Variants in KIAA1217 observed in about 807,000 individuals in gnomAD.
KIAA1217 encodes the protein sickle tail protein homolog.
A neutral mutation model predicts 163.9 loss-of-function variants in KIAA1217; 88 were observed. That is an observed-to-expected ratio of 0.54 (90% confidence interval 0.45 to 0.64). The LOEUF (loss-of-function observed/expected upper bound fraction) is 0.64. Among genes scored for constraint, KIAA1217 ranks in the 30% least tolerant of loss-of-function variants. The pLI is 0.00. For missense variants in KIAA1217, 2,372 were observed against 2,475.0 expected, an observed-to-expected ratio of 0.96 and a Z score of 0.88; for synonymous variants, 903 against 923.1, an observed-to-expected ratio of 0.98 and a Z score of 0.39.
intron 1 of KIAA1217, among the ~76,000 whole-genome samples, chr10:23,974,357 A>G (rs72648302): frequency 0.097 from 14,754 of 152,210 alleles, 1,037 homozygotes; most frequent in African/African-American, 0.19. Flanking sequence ...GCTTATTTCC[A>G]GGTTTAATCC....
At chr10:23,825,670 T>C (rs1210850692) in intron 1 of KIAA1217, among the ~76,000 whole-genome samples, 5 of 152,252 alleles carry the variant, frequency 3.3e-5, no homozygotes, top group African/African-American at 1.2e-4. Flanking sequence ...TAGTTCTGAA[T>C]AATATATGCG....
chr10:24,146,919 C>T (rs1375423713), intron 2 of KIAA1217, among the ~76,000 whole-genome samples: 1 of 149,616 alleles, frequency 6.7e-6, no homozygotes, highest in East Asian at 2.0e-4. Flanking sequence ...GAGGTTTGAG[C>T]GTTGCTCGTA....
intron 2 of KIAA1217, among the ~76,000 whole-genome samples, chr10:24,230,176 A>G (rs2071176009): frequency 6.6e-6 from 1 of 152,162 alleles, no homozygotes; most frequent in African/African-American, 2.4e-5. Flanking sequence ...CCATCAGCTA[A>G]AATTGCTGTG....
At chr10:24,374,441 C>T (rs75142355) in intron 2 of KIAA1217, among the ~76,000 whole-genome samples, 2,358 of 152,282 alleles carry the variant, frequency 0.015, 63 homozygotes, top group East Asian at 0.1. Flanking sequence ...GACCCTCTAG[C>T]GCCTGCACCC....
At chr10:24,225,257 C>G (rs2070358812) in intron 2 of KIAA1217, among the ~76,000 whole-genome samples, 1 of 152,116 alleles carries the variant, frequency 6.6e-6, no homozygotes, top group Admixed American at 6.6e-5. Flanking sequence ...TCCTGAGTAG[C>G]AACTACAGGC....
intron 2 of KIAA1217, among the ~76,000 whole-genome samples, chr10:24,153,214 C>G (rs980006991): frequency 6.6e-6 from 1 of 152,180 alleles, no homozygotes; most frequent in African/African-American, 2.4e-5. Context: ...CTTCATATAA[C>G]ATTAAGGGCT....
rs142677080 is a variant in KIAA1217 at position 24,391,289 on chromosome 10, A to G, written c.553+10222A>G. On this transcript the variant is annotated intron_variant, in intron 3 of 20. Transcript: ENST00000376454. ...GAGGAAACAGTCTTAGCAGTGAGAG[A>G]GGTCTTAGAGAAGATTTAGGTTCTC... 5.3e-3 allele frequency among the ~76,000 whole-genome samples: 782 copies of G among 147,294 alleles called. 12 individuals carry two copies. Among genetic ancestry groups the G allele is most frequent in the African/African-American group, 0.018 (719 of 40,396 alleles).
At chr10:24,243,643 A>AATAT (rs575219004) in intron 2 of KIAA1217, among the ~76,000 whole-genome samples, 2,955 of 136,294 alleles carry the variant, frequency 0.022, 81 homozygotes, top group African/African-American at 0.07. Context: ...TATATACAGG[A>AATAT]ATATATATAT....
intron 1 of KIAA1217, among the ~76,000 whole-genome samples, chr10:23,867,227 C>T (rs1329809517): frequency 6.6e-6 from 1 of 152,072 alleles, no homozygotes; most frequent in Admixed American, 6.6e-5. Context: ...ATATGTGCCA[C>T]ATTTTCTTAA....
intron 2 of KIAA1217, among the ~76,000 whole-genome samples, chr10:24,379,894 A>G (rs984569708): frequency 6.6e-6 from 1 of 152,086 alleles, no homozygotes; most frequent in Non-Finnish European, 1.5e-5. Flanking sequence ...TCTACTAAAA[A>G]TACAAAAATT....
intron 1 of KIAA1217, among the ~76,000 whole-genome samples, chr10:23,884,298 C>A (rs1320729438): frequency 1.3e-5 from 2 of 151,892 alleles, no homozygotes; most frequent in Non-Finnish European, 2.9e-5. Flanking sequence ...TGGATTTTGG[C>A]CATTCTAATA....
chr10:23,994,090 G>C (rs941939892), intron 1 of KIAA1217, among the ~76,000 whole-genome samples: 12 of 152,164 alleles, frequency 7.9e-5, no homozygotes, highest in African/African-American at 2.9e-4. Flanking sequence ...TCCCTAGAGG[G>C]AAAGAGGAGA....
At chr10:23,860,333 C>T (rs1839893228) in intron 1 of KIAA1217, among the ~76,000 whole-genome samples, 1 of 151,960 alleles carries the variant, frequency 6.6e-6, no homozygotes, top group Non-Finnish European at 1.5e-5. Flanking sequence ...AATTTAACGT[C>T]ATTACTCCTT....
chr10:24,065,003 T>G (rs2060882456), intron 2 of KIAA1217, among the ~76,000 whole-genome samples: 1 of 152,248 alleles, frequency 6.6e-6, no homozygotes, highest in East Asian at 1.9e-4. Context: ...TTTGTCATTT[T>G]TTATTGCGTC....
intron 2 of KIAA1217, among the ~76,000 whole-genome samples, chr10:24,299,978 C>T (rs762558606): frequency 3.3e-5 from 5 of 152,124 alleles, no homozygotes; most frequent in African/African-American, 9.7e-5. Context: ...ACTGCTTGTT[C>T]GATTCCAGAT....
intron 2 of KIAA1217, among the ~76,000 whole-genome samples, chr10:24,159,709 G>A (rs2065034388): frequency 6.6e-6 from 1 of 152,148 alleles, no homozygotes; most frequent in Non-Finnish European, 1.5e-5. Flanking sequence ...TGTGAATCCG[G>A]GAGGCAGAGC....
intron 14 of KIAA1217, among the ~76,000 whole-genome samples, chr10:24,529,140 A>G (rs1179885396): frequency 6.6e-6 from 1 of 152,194 alleles, no homozygotes; most frequent in Non-Finnish European, 1.5e-5. Context: ...TTGCATGTTG[A>G]GAAACATTAA....
In KIAA1217 at chr10:24,075,119, T is replaced by TACACACAC. The variant is rs71397929; in HGVS notation, c.-171+67784_-171+67791dup. On this transcript the variant is annotated intron_variant, in intron 2 of 18. Transcript: ENST00000376462. The stretch of plus-strand genomic sequence containing the variant: ...AGAAAGTCCTTCTGTTCCCCCTAAA[T>TACACACAC]ACACACACACACACACACACACACA... Among the ~76,000 whole-genome samples, 168 of 131,558 alleles carry TACACACAC rather than the reference T, an allele frequency of 1.3e-3. 1 individual carries two copies. The highest frequency in any genetic ancestry group is 4.9e-3 in the South Asian group (18 of 3,664). 86.3% of individuals were successfully genotyped at this position (131,558 alleles called of 152,430 possible). A position where few individuals can be genotyped will look rare whatever the true frequency, so the allele number is the denominator to read the frequency against.
At chr10:23,727,386 T>C (rs968370696) in intron 1 of KIAA1217, among the ~76,000 whole-genome samples, 4 of 151,916 alleles carry the variant, frequency 2.6e-5, no homozygotes, top group Non-Finnish European at 5.9e-5. Flanking sequence ...ATGGTGAAAC[T>C]CTGTCTCTAC....
Sources: allele counts gnomAD v4.1 joint callset (sites outside exome capture counted in the v4.1 genomes callset), GRCh38; gene constraint gnomAD v4.1.1; transcripts MANE v1.5; gene names NCBI Gene and HGNC (gene_info 2026-07-23, HGNC 2026-07-21).